Variants in CSMD1 observed in about 807,000 individuals in gnomAD.
CSMD1 encodes the protein CUB and Sushi multiple domains 1.
A neutral mutation model predicts 417.5 loss-of-function variants in CSMD1; 213 were observed. The ratio of observed to expected loss-of-function variants is 0.51; its 90% CI spans 0.46 to 0.57. The LOEUF (loss-of-function observed/expected upper bound fraction) is 0.57, where lower values mean the gene tolerates loss of function less well. Among genes scored for constraint, CSMD1 ranks in the 20% least tolerant of loss-of-function variants. CSMD1 has a pLI of 0.00. For missense variants in CSMD1, 6,923 were observed against 4,529.7 expected (o/e 1.53, Z -15.17); for synonymous variants, 2,862 against 1,736.8 (o/e 1.65, Z -16.11).
intron 10 of CSMD1, among the ~76,000 whole-genome samples, chr8:3,571,549 C>A (rs193243235): frequency 6.6e-6 from 1 of 151,448 alleles, no homozygotes; most frequent in Admixed American, 6.8e-5. Flanking sequence ...TCACCCACGG[C>A]GTCATCTCTC....
chr8:3,103,561 C>T (rs547007802), intron 46 of CSMD1, among the ~76,000 whole-genome samples: 10 of 152,070 alleles, frequency 6.6e-5, no homozygotes, highest in South Asian at 6.2e-4. Context: ...AGACGTCACT[C>T]GGTGGTAGGA....
At chr8:3,264,665 A>G (rs2117110994) in intron 26 of CSMD1, among the ~76,000 whole-genome samples, 1 of 152,298 alleles carries the variant, frequency 6.6e-6, no homozygotes, top group Middle Eastern at 3.4e-3. Context: ...ACTCATCAAA[A>G]CTGTGGGGTC....
At chr8:3,482,944 C>T (rs1012421858) in intron 11 of CSMD1, among the ~76,000 whole-genome samples, 14 of 151,990 alleles carry the variant, frequency 9.2e-5, no homozygotes, top group East Asian at 1.9e-4. Context: ...AAAATAAAAA[C>T]ACAACATATA....
intron 23 of CSMD1, among the ~76,000 whole-genome samples, chr8:3,339,597 A>T (rs540565448): frequency 6.6e-6 from 1 of 152,342 alleles, no homozygotes; most frequent in Admixed American, 6.5e-5. Flanking sequence ...CCCTATGTCA[A>T]TATCAATAAA....
chr8:3,323,865 CA>C (rs1301222047), intron 23 of CSMD1, among the ~76,000 whole-genome samples: 2 of 146,580 alleles, frequency 1.4e-5, no homozygotes, highest in Admixed American at 6.8e-5. Flanking sequence ...ATCTAACACC[CA>C]GAGACCCAGG....
At chr8:4,487,441 T>C (rs560064160) in intron 2 of CSMD1, among the ~76,000 whole-genome samples, 1 of 152,274 alleles carries the variant, frequency 6.6e-6, no homozygotes, top group South Asian at 2.1e-4. Flanking sequence ...TTGCGATACA[T>C]TACTGAGAAT....
At chr8:3,323,244 G>C (rs993813158) in intron 23 of CSMD1, among the ~76,000 whole-genome samples, 7 of 152,238 alleles carry the variant, frequency 4.6e-5, no homozygotes, top group South Asian at 4.2e-4. Flanking sequence ...CAAATGACAA[G>C]GGACCTCAAC....
intron 1 of CSMD1, among the ~76,000 whole-genome samples, chr8:4,969,778 G>C (rs187636777): frequency 2.0e-5 from 3 of 152,138 alleles, no homozygotes; most frequent in East Asian, 1.9e-4. Context: ...CAATGAGGCT[G>C]CTATGTGGAA....
At chr8:3,658,558 G>A (rs1484066855) in intron 7 of CSMD1, among the ~76,000 whole-genome samples, 1 of 151,406 alleles carries the variant, frequency 6.6e-6, no homozygotes, top group Non-Finnish European at 1.5e-5. Context: ...CAAGGCAGGT[G>A]GATGACTTGA....
At chr8:3,090,659 T>A (rs537103717) in intron 48 of CSMD1, among the ~76,000 whole-genome samples, 84 of 152,296 alleles carry the variant, frequency 5.5e-4, no homozygotes, top group African/African-American at 1.7e-3. Flanking sequence ...TAAACAATCC[T>A]CCGTCAGCAC....
intron 1 of CSMD1, among the ~76,000 whole-genome samples, chr8:4,742,979 T>C (rs941449487): frequency 6.6e-5 from 10 of 152,162 alleles, no homozygotes; most frequent in Admixed American, 3.3e-4. Flanking sequence ...AGGAGAAACA[T>C]GGTCAACTGT....
chr8:4,321,223 A>G (rs1042200543), intron 3 of CSMD1, among the ~76,000 whole-genome samples: 2 of 152,116 alleles, frequency 1.3e-5, no homozygotes, highest in East Asian at 3.9e-4. Context: ...GAACACGTTC[A>G]TGAGGCGTGC....
Position 4,815,819 on chromosome 8 carries a change from A to G in CSMD1, c.86-178261T>C, listed in dbSNP as rs1375996294. 2.0e-5 allele frequency among the ~76,000 whole-genome samples: 3 copies of G among 152,134 alleles called. No homozygotes were observed. The South Asian group carries it at 6.2e-4, about 32-fold the overall frequency. ...ATCTTATAAATTATTCAAGTAATGA[A>G]TGCCTAAATGTTGGCTCCCAAGAAG... On this transcript the variant is annotated intron_variant, in intron 1 of 69. Coordinates refer to ENST00000635120, the MANE Select transcript of CSMD1 (RefSeq NM_033225.6).
chr8:4,495,613 A>C (rs570963027), intron 2 of CSMD1, among the ~76,000 whole-genome samples: 1 of 152,286 alleles, frequency 6.6e-6, no homozygotes, highest in African/African-American at 2.4e-5. Flanking sequence ...TTAGGGCACA[A>C]ATATTAAAAT....
chr8:4,782,415 A>G (rs1797200324), intron 1 of CSMD1, among the ~76,000 whole-genome samples: 1 of 152,178 alleles, frequency 6.6e-6, no homozygotes. Flanking sequence ...AAAACTTTAT[A>G]AAAGACACCA....
intron 3 of CSMD1, among the ~76,000 whole-genome samples, chr8:4,322,077 T>C (rs1403718226): frequency 1.3e-5 from 2 of 152,160 alleles, no homozygotes; most frequent in Non-Finnish European, 2.9e-5. Flanking sequence ...CATCATAGAC[T>C]GAAATGAACT....
intron 3 of CSMD1, among the ~76,000 whole-genome samples, chr8:4,135,649 A>C (rs1803384247): frequency 6.6e-6 from 1 of 152,182 alleles, no homozygotes; most frequent in African/African-American, 2.4e-5. Context: ...GGGATAATAT[A>C]TGAAGAAGAA....
At chr8:4,631,953 A>G (rs1802542046) in intron 2 of CSMD1, among the ~76,000 whole-genome samples, 1 of 152,202 alleles carries the variant, frequency 6.6e-6, no homozygotes, top group Non-Finnish European at 1.5e-5. Context: ...GCCTTTATTC[A>G]CTTTCTGACT....
intron 26 of CSMD1, among the ~76,000 whole-genome samples, chr8:3,256,309 GAAAAA>G (rs61572877): frequency 1.2e-5 from 1 of 81,444 alleles, no homozygotes; most frequent in Admixed American, 1.2e-4. Flanking sequence ...TAAGTCTCAA[GAAAAA>G]AAAAAAAAAA....
Sources: allele counts gnomAD v4.1 joint callset (sites outside exome capture counted in the v4.1 genomes callset), GRCh38; gene constraint gnomAD v4.1.1; transcripts MANE v1.5; gene names NCBI Gene and HGNC (gene_info 2026-07-23, HGNC 2026-07-21).